RAD52: variants seen among roughly 807,000 people sequenced by gnomAD.
RAD52 encodes DNA repair protein RAD52 homolog.
A neutral mutation model predicts 55.5 loss-of-function variants in RAD52; 47 were observed. The ratio of observed to expected loss-of-function variants is 0.85; its 90% CI spans 0.67 to 1.08. RAD52 has a LOEUF of 1.08. RAD52 is among the 50% of genes least tolerant of loss of function. The pLI is 0.00. For synonymous variants in RAD52, 184 were observed against 198.9 expected, an observed-to-expected ratio of 0.92 and a Z score of 0.63; for missense variants, 468 against 522.8, an observed-to-expected ratio of 0.90 and a Z score of 1.02.
chr12:948,775 C>T (rs1346524376), intron 1 of RAD52, among the ~76,000 whole-genome samples: 1 of 152,022 alleles, frequency 6.6e-6, no homozygotes, highest in African/African-American at 2.4e-5. Context: ...TGTCGGCTTA[C>T]CGGCACACCT....
chr12:951,408 G>C (rs1448425952), upstream of RAD52, among the ~76,000 whole-genome samples: 1 of 152,170 alleles, frequency 6.6e-6, no homozygotes, highest in East Asian at 1.9e-4. Flanking sequence ...CAGTGCACCT[G>C]GTGCCCTTTG....
chr12:946,456 T>C (rs1210601422), intron 1 of RAD52, among the ~76,000 whole-genome samples: 2 of 152,212 alleles, frequency 1.3e-5, no homozygotes, highest in African/African-American at 2.4e-5. Context: ...CATAACCTTG[T>C]TTTATGTGTG....
At chr12:981,412 T>C (rs1959013419) in intron 1 of RAD52, among the ~76,000 whole-genome samples, 1 of 152,088 alleles carries the variant, frequency 6.6e-6, no homozygotes, top group Admixed American at 6.6e-5. Flanking sequence ...GTGTGGGTGA[T>C]ACTTGAGATA....
intron 1 of RAD52, among the ~76,000 whole-genome samples, chr12:967,809 G>A (rs368485261): frequency 1.3e-5 from 2 of 152,036 alleles, no homozygotes; most frequent in African/African-American, 2.4e-5. Context: ...GGTGGTACAC[G>A]TCTGTAGTCC....
chr12:971,635 A>C (rs1359367328), intron 1 of RAD52, among the ~76,000 whole-genome samples: 3 of 152,246 alleles, frequency 2.0e-5, no homozygotes, highest in Non-Finnish European at 4.4e-5. Flanking sequence ...AAAGATAATA[A>C]ATTTTGCTAG....
intron 5 of RAD52, among the ~76,000 whole-genome samples, chr12:928,158 A>G (rs1000841545): frequency 6.6e-6 from 1 of 152,180 alleles, no homozygotes; most frequent in Non-Finnish European, 1.5e-5. Flanking sequence ...TAGATACAAG[A>G]TTTTTTAGTA....
At chr12:989,740 C>T (rs1259834196) in intron 1 of RAD52, 1 of 152,126 alleles carries the variant, frequency 6.6e-6, no homozygotes, top group Non-Finnish European at 1.5e-5. Flanking sequence ...TTGCCTGAGG[C>T]CACACAAGTA....
intron 1 of RAD52, among the ~76,000 whole-genome samples, chr12:973,784 T>TC (rs1958901430): frequency 7.1e-6 from 1 of 139,944 alleles, no homozygotes; most frequent in African/African-American, 2.6e-5. Context: ...CAGTCCTTCT[T>TC]TTTTTTTTTT....
intron 9 of RAD52, among the ~76,000 whole-genome samples, chr12:915,500 T>A (rs777213412): frequency 1.3e-5 from 2 of 152,096 alleles, no homozygotes; most frequent in African/African-American, 4.8e-5. Context: ...CTGTTTCCAC[T>A]CTCTGAGTAA....
At position 962,369 on chromosome 12, in the gene RAD52, C is replaced by T. The variant is rs1437543689; in HGVS notation, c.-19+27440G>A. Among the ~76,000 whole-genome samples, 3 of 148,658 alleles carry T rather than the reference C, an allele frequency of 2.0e-5. No individual in the cohort carries two copies. In the East Asian group the frequency reaches 5.9e-4, roughly 29 times the overall value. ...TTTTTTTTTTTTTTTGAGACGGAGT[C>T]TTGCTCTGTCGCCCAGGCTGGAGTG... On this transcript the variant is annotated intron_variant, in intron 1 of 11. Transcript: ENST00000430095.
At chr12:943,285 C>A (rs1019833973) in intron 1 of RAD52, among the ~76,000 whole-genome samples, 1 of 152,190 alleles carries the variant, frequency 6.6e-6, no homozygotes, top group African/African-American at 2.4e-5. Context: ...AAGGCCGACT[C>A]CAAGGACGGA....
intron 2 of RAD52, among the ~76,000 whole-genome samples, chr12:932,770 G>A (rs1372609028): frequency 6.6e-6 from 1 of 152,134 alleles, no homozygotes; most frequent in African/African-American, 2.4e-5. Context: ...AAACGTACTA[G>A]GTACTGCCCC....
intron 1 of RAD52, among the ~76,000 whole-genome samples, chr12:947,745 G>A (rs112488759): frequency 5.1e-5 from 7 of 137,282 alleles, no homozygotes; most frequent in South Asian, 4.7e-4. Context: ...AAAATTAGCC[G>A]GGCATAGTGG....
At chr12:936,732 A>G (rs879603661) in intron 1 of RAD52, 2 of 152,138 alleles carry the variant, frequency 1.3e-5, no homozygotes, top group Non-Finnish European at 2.9e-5. Flanking sequence ...CCTGGGCTCA[A>G]GGAGTTCAAG....
chr12:985,862 G>A (rs575790247), intron 1 of RAD52, among the ~76,000 whole-genome samples: 5 of 150,916 alleles, frequency 3.3e-5, no homozygotes, highest in African/African-American at 9.7e-5. Context: ...GGCTGGTCTC[G>A]AACTCCTAAC....
chr12:932,132 C>T (rs944287287), intron 2 of RAD52, among the ~76,000 whole-genome samples: 2 of 152,146 alleles, frequency 1.3e-5, no homozygotes, highest in Non-Finnish European at 2.9e-5. Context: ...CCGAGGCAGG[C>T]AGATCACGAG....
chr12:981,921 G>T (rs1162743707), intron 1 of RAD52, among the ~76,000 whole-genome samples: 1 of 152,206 alleles, frequency 6.6e-6, no homozygotes, highest in East Asian at 1.9e-4. Context: ...AGGGCCACGG[G>T]GGAGGCAGCA....
chr12:930,033 G>C lies in RAD52; in HGVS notation c.280+18C>G. On this transcript the variant is annotated intron_variant, in intron 4 of 11. Coordinates refer to ENST00000358495, the MANE Select transcript of RAD52 (RefSeq NM_134424.4). ...GCTGGACAGTGCAGAAGTCCCCACTGCTGGAGAGCATACTCACCCACATTC... is the reference window on the plus strand; with the variant it reads ...GCTGGACAGTGCAGAAGTCCCCACTCCTGGAGAGCATACTCACCCACATTC... 2 of 1,609,146 alleles carry C rather than the reference G, an allele frequency of 1.2e-6. No homozygotes were observed. Among genetic ancestry groups the C allele is most frequent in the South Asian group, 2.2e-5 (2 of 91,002 alleles).
At chr12:968,268 G>T (rs1030375506) in intron 1 of RAD52, among the ~76,000 whole-genome samples, 1 of 152,094 alleles carries the variant, frequency 6.6e-6, no homozygotes, top group East Asian at 1.9e-4. Context: ...AAAACAAAGA[G>T]GTTTGTGGCA....
Sources: allele counts gnomAD v4.1 joint callset (sites outside exome capture counted in the v4.1 genomes callset), GRCh38; gene constraint gnomAD v4.1.1; transcripts MANE v1.5; gene names NCBI Gene and HGNC (gene_info 2026-07-23, HGNC 2026-07-21).